TGFBR3: variants seen among roughly 807,000 people sequenced by gnomAD.
TGFBR3 encodes the protein transforming growth factor beta receptor type 3.
TGFBR3 carries 46 observed loss-of-function variants against 87.9 expected under a neutral mutation model. The ratio of observed to expected loss-of-function variants is 0.52; its 90% CI spans 0.41 to 0.67. The LOEUF (loss-of-function observed/expected upper bound fraction) is 0.67, where lower values mean the gene tolerates loss of function less well. Ranked by LOEUF, TGFBR3 falls within the 30% of genes least tolerant of loss-of-function variation. The pLI is 0.00. For synonymous variants in TGFBR3, 381 were observed against 391.6 expected (o/e 0.97, Z 0.32); for missense variants, 866 against 1,041.9 (o/e 0.83, Z 2.32).
intron 5 of TGFBR3, 139 bp downstream of exon 5, chr1:91,734,637 G>T: frequency 1.9e-6 from 2 of 1,080,564 alleles, no homozygotes; most frequent in Non-Finnish European, 1.4e-6. Flanking sequence ...GAGAGGCCTG[G>T]GGCCAAATGA....
At chr1:91,763,990 A>C (rs1234683696) in intron 3 of TGFBR3, among the ~76,000 whole-genome samples, 3 of 152,006 alleles carry the variant, frequency 2.0e-5, no homozygotes, top group African/African-American at 7.3e-5. Flanking sequence ...GAGCTTTAAA[A>C]TTTTTCCTTT....
At chr1:91,729,261 C>G (rs530705071) in intron 6 of TGFBR3, among the ~76,000 whole-genome samples, 1 of 139,432 alleles carries the variant, frequency 7.2e-6, no homozygotes, top group African/African-American at 2.7e-5. Flanking sequence ...TGAAGAGCCA[C>G]TCCACCACAC....
intron 3 of TGFBR3, among the ~76,000 whole-genome samples, chr1:91,791,846 A>C (rs1675204787): frequency 6.6e-6 from 1 of 152,146 alleles, no homozygotes. Flanking sequence ...AGAACCAAAC[A>C]AGTGCCTGGC....
At chr1:91,692,783 T>C (rs1671309673) in intron 16 of TGFBR3, among the ~76,000 whole-genome samples, 1 of 152,246 alleles carries the variant, frequency 6.6e-6, no homozygotes, top group South Asian at 2.1e-4. Context: ...ACCCAGTCTT[T>C]GTAGAGTAAC....
chr1:91,714,964 G>A (rs903271209), intron 12 of TGFBR3, among the ~76,000 whole-genome samples: 3 of 152,348 alleles, frequency 2.0e-5, no homozygotes, highest in Admixed American at 6.5e-5. Flanking sequence ...CAGAGTCAGT[G>A]CGAATGTGAG....
intron 2 of TGFBR3, among the ~76,000 whole-genome samples, chr1:91,819,509 T>C (rs1278427181): frequency 6.6e-6 from 1 of 152,156 alleles, no homozygotes; most frequent in African/African-American, 2.4e-5. Flanking sequence ...GCTGAGACAA[T>C]TCATCCACTG....
intron 1 of TGFBR3, among the ~76,000 whole-genome samples, chr1:91,874,426 G>A (rs1350987830): frequency 6.6e-6 from 1 of 152,172 alleles, no homozygotes; most frequent in East Asian, 1.9e-4. Flanking sequence ...GCATAAGAGT[G>A]GTGGGCTGGT....
chr1:91,811,040 G>C (rs1372005707), intron 2 of TGFBR3, among the ~76,000 whole-genome samples: 1 of 152,230 alleles, frequency 6.6e-6, no homozygotes, highest in Non-Finnish European at 1.5e-5. Flanking sequence ...GGCAGGTGCA[G>C]TGGCTCACAC....
intron 2 of TGFBR3, among the ~76,000 whole-genome samples, chr1:91,854,890 TGAA>T (rs1452029139): frequency 1.3e-5 from 2 of 152,174 alleles, no homozygotes; most frequent in Non-Finnish European, 2.9e-5. Context: ...ATTCTAGAAA[TGAA>T]GAAAATAGTG....
chr1:91,862,658 C>A (rs1678245682), intron 1 of TGFBR3, among the ~76,000 whole-genome samples: 1 of 152,168 alleles, frequency 6.6e-6, no homozygotes, highest in Admixed American at 6.5e-5. Flanking sequence ...ATTTCTCCAG[C>A]CCTCTATCCC....
chr1:91,684,690 C>A (rs1671030957), intron 16 of TGFBR3, among the ~76,000 whole-genome samples: 1 of 152,166 alleles, frequency 6.6e-6, no homozygotes, highest in African/African-American at 2.4e-5. Context: ...TTTAACAGTG[C>A]AAAAGGCCCT....
chr1:91,729,323 G>A (rs1440347369), intron 6 of TGFBR3, among the ~76,000 whole-genome samples: 10 of 146,904 alleles, frequency 6.8e-5, no homozygotes, highest in African/African-American at 1.3e-4. Context: ...CAGATTTAAC[G>A]CAAACAGCTC....
chr1:91,841,284 T>A lies in TGFBR3; in HGVS notation c.61+20187A>T, dbSNP rs928035240. 5.1e-4 allele frequency among the ~76,000 whole-genome samples: 77 copies of A among 152,226 alleles called. 1 individual carries two copies. Among genetic ancestry groups the A allele is most frequent in the African/African-American group, 1.7e-3 (72 of 41,460 alleles). On this transcript the variant is annotated intron_variant, in intron 2 of 16. Transcript: ENST00000212355. ...TCAAGAAAATCATTGTACTTTGGAA[T>A]GCAGAAATGCAACATACGTACCTCC...
intron 7 of TGFBR3, among the ~76,000 whole-genome samples, chr1:91,724,874 G>A (rs1672496019): frequency 6.6e-6 from 1 of 152,170 alleles, no homozygotes; most frequent in African/African-American, 2.4e-5. Flanking sequence ...ATGGTATAGG[G>A]GAGGGAGGAC....
Position 91,697,281 on chromosome 1 carries a change from T to A in TGFBR3, c.2329+808A>T, listed in dbSNP as rs184232340. 3.4e-3 allele frequency among the ~76,000 whole-genome samples: 521 copies of A among 151,080 alleles called. 2 individuals carry two copies. Among genetic ancestry groups the A allele is most frequent in the African/African-American group, 0.012 (494 of 40,446 alleles). On this transcript the variant is annotated intron_variant, in intron 15 of 16. Coordinates refer to ENST00000212355, the MANE Select transcript of TGFBR3 (RefSeq NM_003243.5). ...ATATTGTTCCATAATTTAAAAAAAA[T>A]AATCCACTTAAGACAATGGTTTATG...
At chr1:91,836,178 C>T (rs1484464549) in intron 2 of TGFBR3, among the ~76,000 whole-genome samples, 2 of 152,076 alleles carry the variant, frequency 1.3e-5, no homozygotes, top group Admixed American at 1.3e-4. Flanking sequence ...ACCTGGGAGG[C>T]AGAGGTTGCG....
At position 91,697,190 on chromosome 1, in the gene TGFBR3, T is replaced by A. The variant is rs148840093; in HGVS notation, c.2329+899A>T. On this transcript the variant is annotated intron_variant, in intron 15 of 16. Transcript: ENST00000212355. Reference sequence around the variant, plus strand: ...GCAAAAATTGAACATGATTACAAGTTTTTAATGAAACTATTCTAAATCTCC... The same window carrying A: ...GCAAAAATTGAACATGATTACAAGTATTTAATGAAACTATTCTAAATCTCC... 7.2e-5 allele frequency among the ~76,000 whole-genome samples: 11 copies of A among 152,286 alleles called. No homozygotes were observed. In the South Asian group the frequency reaches 2.1e-3, roughly 29 times the overall value.
intron 2 of TGFBR3, among the ~76,000 whole-genome samples, chr1:91,857,777 A>G (rs2101174620): frequency 6.6e-6 from 1 of 152,314 alleles, no homozygotes; most frequent in African/African-American, 2.4e-5. Context: ...CATCTCTCCA[A>G]AAATAAAAAA....
chr1:91,899,630 T>C (rs1264726410), intron 2 of TGFBR3: 1 of 105,470 alleles, frequency 9.5e-6, no homozygotes, highest in African/African-American at 3.6e-5. Flanking sequence ...TTTTCCCAGG[T>C]ACTCACCACC....
Sources: gnomAD v4.1 joint callset for allele counts (sites outside exome capture counted in the v4.1 genomes callset) on GRCh38, gnomAD v4.1.1 for gene constraint, MANE v1.5 for transcripts, NCBI Gene and HGNC (gene_info 2026-07-23, HGNC 2026-07-21) for gene names.